SYNE1: variants seen among roughly 807,000 people sequenced by gnomAD.
The protein encoded by SYNE1 is spectrin repeat containing nuclear envelope protein 1, also known as nesprin-1.
A neutral mutation model predicts 1,111.0 loss-of-function variants in SYNE1; 616 were observed. The observed-to-expected ratio is 0.55, with a 90% CI of 0.52 to 0.59. SYNE1 has a LOEUF of 0.59. Ranked by LOEUF, SYNE1 falls within the 20% of genes least tolerant of loss-of-function variation. The pLI, the probability that SYNE1 is intolerant of heterozygous loss-of-function variation, is 0.00. For synonymous variants in SYNE1, 3,855 were observed against 3,825.8 expected, an observed-to-expected ratio of 1.01 and a Z score of -0.28; for missense variants, 10,006 against 10,417.0, an observed-to-expected ratio of 0.96 and a Z score of 1.72.
intron 91 of SYNE1, among the ~76,000 whole-genome samples, chr6:152,303,095 ATTCT>A (rs1330660426): frequency 8.7e-6 from 1 of 114,400 alleles, no homozygotes; most frequent in Non-Finnish European, 1.8e-5. Flanking sequence ...CAAAACTATT[ATTCT>A]TTTTTTTTTT....
chr6:152,154,444 A>G (rs2060984282), intron 133 of SYNE1, among the ~76,000 whole-genome samples: 1 of 115,352 alleles, frequency 8.7e-6, no homozygotes, highest in South Asian at 2.8e-4. Context: ...CTTTTATCAA[A>G]TACACACACA....
At chr6:152,207,818 T>C (rs2076796705) in intron 125 of SYNE1, among the ~76,000 whole-genome samples, 154 bp downstream of exon 125, 2 of 152,174 alleles carry the variant, frequency 1.3e-5, no homozygotes, top group Non-Finnish European at 2.9e-5. Flanking sequence ...GGGCTTTGTA[T>C]TGCAATCATT....
At position 152,310,998 on chromosome 6, in the gene SYNE1, C is replaced by T. The variant is rs901930463; in HGVS notation, c.16711-125G>A. 1.1e-5 allele frequency: 10 copies of T among 925,242 alleles called. No homozygotes were observed. In the African/African-American group the frequency reaches 1.6e-4, roughly 15 times the overall value. The allele number at this position is 925,242 out of a possible 1,614,324, so 57.3% of individuals were successfully genotyped here. On this transcript the variant is annotated intron_variant, in intron 87 of 145. Transcript: ENST00000367255. Reference sequence around the variant, plus strand: ...GTCCGTTATTGTGTTTAACCTTCACCCCCCATGACCACTTTCTACTTGGTA... The same window carrying T: ...GTCCGTTATTGTGTTTAACCTTCACTCCCCATGACCACTTTCTACTTGGTA...
intron 41 of SYNE1, among the ~76,000 whole-genome samples, chr6:152,415,957 T>C (rs2092602): frequency 0.24 from 36,141 of 152,088 alleles, 4,806 homozygotes; most frequent in East Asian, 0.36. Flanking sequence ...AAACAGTCTG[T>C]GGTTTATACC....
intron 3 of SYNE1, among the ~76,000 whole-genome samples, chr6:152,549,499 C>T (rs1166051853): frequency 6.6e-6 from 1 of 152,150 alleles, no homozygotes; most frequent in African/African-American, 2.4e-5. Context: ...ACTCTGTTTT[C>T]CATAATGAAA....
At position 152,510,342 on chromosome 6, in the gene SYNE1, C is replaced by T. The variant is rs1027057542; in HGVS notation, c.432G>A (p.Gln144=). 1 of 1,613,824 alleles carries T rather than the reference C, an allele frequency of 6.2e-7. No individual in the cohort carries two copies. Among genetic ancestry groups the T allele is most frequent in the African/African-American group, 1.3e-5 (1 of 74,874 alleles). ...ATGCGCTGCTGGACAAAGACTGGAG[C>T]TGGGGCAGGTTGCTGGTCAACTCTT... ...QIEELTSNLP[Q]LQSLSSSASS... The change falls in exon 8 of 146, where the codon CAG becomes CAA. Residue 144 remains glutamine, a synonymous_variant. Transcript: ENST00000367255.
chr6:152,208,320 G>A (rs1322088117), intron 124 of SYNE1, 114 bp from the exon 125 acceptor site: 7 of 938,720 alleles, frequency 7.5e-6, no homozygotes, highest in Admixed American at 2.0e-5. Context: ...GATCTAGGGC[G>A]GTGGTTTTTG....
chr6:152,527,642 C>A (rs2099169581), intron 4 of SYNE1, among the ~76,000 whole-genome samples: 1 of 152,088 alleles, frequency 6.6e-6, no homozygotes, highest in South Asian at 2.1e-4. Context: ...TTATTTAAAT[C>A]AAGCAAAACA....
At chr6:152,280,751 C>T (rs1373912879) in intron 97 of SYNE1, among the ~76,000 whole-genome samples, 4 of 152,054 alleles carry the variant, frequency 2.6e-5, no homozygotes, top group African/African-American at 7.2e-5. Context: ...GATGTTTCTT[C>T]TCAAAAAATA....
chr6:152,456,634 C>A, intron 22 of SYNE1: 1 of 391,150 alleles, frequency 2.6e-6, no homozygotes, highest in Non-Finnish European at 5.1e-6. Context: ...GCAACTGCTG[C>A]ACATCTGCAG....
chr6:152,614,340 T>G (rs1300692619), intron 3 of SYNE1, among the ~76,000 whole-genome samples: 1 of 152,078 alleles, frequency 6.6e-6, no homozygotes, highest in East Asian at 1.9e-4. Context: ...ACAGACACTT[T>G]TCAAAAGAAG....
chr6:152,258,004 A>G (rs1290519784), intron 101 of SYNE1, among the ~76,000 whole-genome samples: 2 of 152,208 alleles, frequency 1.3e-5, no homozygotes, highest in Non-Finnish European at 2.9e-5. Flanking sequence ...AAACTAAATA[A>G]TTCTTCTGGC....
chr6:152,155,883 C>G, intron 132 of SYNE1, 27 bp downstream of exon 132: 1 of 1,612,998 alleles, frequency 6.2e-7, no homozygotes, highest in Non-Finnish European at 8.5e-7. Context: ...TTTCCTCTTC[C>G]CTATCTGTTT....
At position 152,614,456 on chromosome 6, in the gene SYNE1, T is replaced by C. The variant is rs145815244; in HGVS notation, c.67+13809A>G. Among the ~76,000 whole-genome samples, 92 of 152,276 alleles carry C rather than the reference T, an allele frequency of 6.0e-4. No homozygotes were observed. In the East Asian group the frequency reaches 0.015, roughly 25 times the overall value. ...AGATACCATCTCACACCAGTAAGAA[T>C]GGCGATTATTAAAAAGTCAGAAAAC... is the stretch of plus-strand genomic sequence containing the variant. On this transcript the variant is annotated intron_variant, in intron 3 of 145. Coordinates refer to ENST00000367255, the MANE Select transcript of SYNE1 (RefSeq NM_182961.4).
chr6:152,426,396 G>A (rs2098356043), intron 38 of SYNE1, among the ~76,000 whole-genome samples: 1 of 152,220 alleles, frequency 6.6e-6, no homozygotes, highest in Admixed American at 6.5e-5. Flanking sequence ...CTGGGTACAA[G>A]GGAAAGAAAC....
intron 4 of SYNE1, among the ~76,000 whole-genome samples, chr6:152,530,884 A>G (rs947274862): frequency 6.6e-6 from 1 of 152,012 alleles, no homozygotes; most frequent in Non-Finnish European, 1.5e-5. Flanking sequence ...CAGCCTCCCA[A>G]AGTGCTGGGA....
intron 56 of SYNE1, among the ~76,000 whole-genome samples, chr6:152,377,960 C>A (rs1260582402): frequency 2.0e-5 from 3 of 152,082 alleles, no homozygotes; most frequent in Admixed American, 2.0e-4. Flanking sequence ...ACTGTGTACA[C>A]CCAATCCAAA....
At chr6:152,449,430 AT>A in intron 28 of SYNE1, 102 bp downstream of exon 28, 55 of 904,788 alleles carry the variant, frequency 6.1e-5, no homozygotes, top group Middle Eastern at 2.2e-4. Context: ...TCAAGAACTT[AT>A]TTTTTTTCCA....
chr6:152,403,577 C>A (rs573949062), intron 46 of SYNE1, among the ~76,000 whole-genome samples: 1 of 152,114 alleles, frequency 6.6e-6, no homozygotes, highest in Admixed American at 6.5e-5. Flanking sequence ...AAAAAATTAG[C>A]CTGCCATGGT....
Sources: allele counts gnomAD v4.1 joint callset (sites outside exome capture counted in the v4.1 genomes callset), GRCh38; gene constraint gnomAD v4.1.1; transcripts MANE v1.5; gene names NCBI Gene and HGNC (gene_info 2026-07-23, HGNC 2026-07-21).